Variants in GRIP1 observed in about 807,000 individuals in gnomAD.
GRIP1 encodes glutamate receptor-interacting protein 1.
A neutral mutation model predicts 129.9 loss-of-function variants in GRIP1; 45 were observed. The ratio of observed to expected loss-of-function variants is 0.35; its 90% CI spans 0.27 to 0.44. The LOEUF (loss-of-function observed/expected upper bound fraction) is 0.44, where lower values mean the gene tolerates loss of function less well. Among genes scored for constraint, GRIP1 ranks in the 20% least tolerant of loss-of-function variants. The pLI is 1.00. For synonymous variants in GRIP1, 530 were observed against 520.8 expected (o/e 1.02, Z -0.24); for missense variants, 1,196 against 1,396.8 (o/e 0.86, Z 2.29).
intron 2 of GRIP1, among the ~76,000 whole-genome samples, chr12:66,545,265 C>T (rs2061913148): frequency 6.6e-6 from 1 of 152,124 alleles, no homozygotes; most frequent in Admixed American, 6.5e-5. Context: ...TAGTTGTTTG[C>T]TGTTTTTCTT....
chr12:66,569,449 C>G (rs992776285), intron 2 of GRIP1, among the ~76,000 whole-genome samples: 1 of 152,102 alleles, frequency 6.6e-6, no homozygotes, highest in Admixed American at 6.6e-5. Flanking sequence ...TACACTCCAG[C>G]CTGGGTGACA....
chr12:66,501,403 G>T (rs145333616), intron 7 of GRIP1, among the ~76,000 whole-genome samples: 136 of 152,200 alleles, frequency 8.9e-4, no homozygotes, highest in African/African-American at 3.0e-3. Flanking sequence ...TTATATAATG[G>T]CTAATGGAAG....
chr12:66,410,949 A>T (rs2057378513), intron 15 of GRIP1, among the ~76,000 whole-genome samples: 1 of 152,198 alleles, frequency 6.6e-6, no homozygotes, highest in Non-Finnish European at 1.5e-5. Context: ...TAAACCCAAG[A>T]TTAAGAAATT....
At chr12:66,618,119 C>T (rs749396866) in intron 1 of GRIP1, among the ~76,000 whole-genome samples, 27 of 152,086 alleles carry the variant, frequency 1.8e-4, no homozygotes, top group Non-Finnish European at 3.5e-4. Flanking sequence ...TTCAAACAGA[C>T]TGGAAACAAC....
In GRIP1 at chr12:66,991,456, C is replaced by T. The variant is rs530240376; in HGVS notation, c.58+77594G>A. Among the ~76,000 whole-genome samples, 106 of 152,198 alleles carry T rather than the reference C, an allele frequency of 7.0e-4. 1 individual carries two copies. Among genetic ancestry groups the T allele is most frequent in the Admixed American group, 1.7e-3 (26 of 15,288 alleles). The stretch of plus-strand genomic sequence containing the variant: ...AGGAGAGGAAAGAAATATTTCTTCC[C>T]TATAGCTGAGTAAGGAAAAATCAAG... On this transcript the variant is annotated intron_variant, in intron 1 of 1. Coordinates refer to the GRIP1 transcript ENST00000643019.
At chr12:66,755,516 G>A (rs2037260221) in intron 1 of GRIP1, among the ~76,000 whole-genome samples, 1 of 152,224 alleles carries the variant, frequency 6.6e-6, no homozygotes. Flanking sequence ...ATAGCAGTGT[G>A]TATCAGACAA....
chr12:66,675,108 G>T (rs1307022244), intron 1 of GRIP1, among the ~76,000 whole-genome samples: 1 of 152,126 alleles, frequency 6.6e-6, no homozygotes, highest in African/African-American at 2.4e-5. Flanking sequence ...ACGTAGGCCA[G>T]CTATGATGAA....
intron 1 of GRIP1, among the ~76,000 whole-genome samples, chr12:66,624,416 T>G (rs1369260349): frequency 6.6e-6 from 1 of 152,068 alleles, no homozygotes; most frequent in East Asian, 1.9e-4. Flanking sequence ...GAGAAAAAAA[T>G]TAGAAGTAAA....
At chr12:66,676,838 A>G (rs542487155) in intron 1 of GRIP1, among the ~76,000 whole-genome samples, 1 of 152,304 alleles carries the variant, frequency 6.6e-6, no homozygotes, top group South Asian at 2.1e-4. Context: ...TTACAGCTTA[A>G]GAAAACAGCA....
chr12:66,505,223 GA>G (rs1190333700), intron 7 of GRIP1, among the ~76,000 whole-genome samples: 1 of 152,154 alleles, frequency 6.6e-6, no homozygotes, highest in East Asian at 1.9e-4. Context: ...AGGCAGAGGA[GA>G]AAGTCAGAGA....
chr12:66,451,168 C>G (rs2058783817), intron 11 of GRIP1, among the ~76,000 whole-genome samples: 1 of 152,052 alleles, frequency 6.6e-6, no homozygotes, highest in Non-Finnish European at 1.5e-5. Context: ...GTTCTGTTCA[C>G]AACTCTTCAG....
At chr12:66,575,609 T>TC (rs1245748898) in intron 2 of GRIP1, among the ~76,000 whole-genome samples, 2 of 152,206 alleles carry the variant, frequency 1.3e-5, no homozygotes, top group Non-Finnish European at 2.9e-5. Flanking sequence ...AAAGAATAGA[T>TC]CCTGGATAGG....
chr12:66,491,121 C>A (rs1232805057), intron 7 of GRIP1, among the ~76,000 whole-genome samples: 4 of 152,072 alleles, frequency 2.6e-5, no homozygotes, highest in Non-Finnish European at 4.4e-5. Flanking sequence ...TACATGTATA[C>A]CCAAAGGAAT....
intron 1 of GRIP1, among the ~76,000 whole-genome samples, chr12:66,955,194 A>G (rs1190140126): frequency 6.6e-6 from 1 of 152,166 alleles, no homozygotes; most frequent in Non-Finnish European, 1.5e-5. Flanking sequence ...GAGCAGTGGA[A>G]TCACCTTGAG....
chr12:67,054,446 G>A (rs1294594353), intron 1 of GRIP1, among the ~76,000 whole-genome samples: 2 of 152,064 alleles, frequency 1.3e-5, no homozygotes, highest in African/African-American at 2.4e-5. Context: ...AGTTTGTCAT[G>A]TGCGAAAAAA....
intron 1 of GRIP1, among the ~76,000 whole-genome samples, chr12:66,917,287 C>A (rs1283577709): frequency 6.6e-6 from 1 of 152,168 alleles, no homozygotes; most frequent in East Asian, 1.9e-4. Flanking sequence ...AACTCAGTAA[C>A]CAATAATCTC....
At chr12:66,932,968 A>G (rs1412110751) in intron 1 of GRIP1, among the ~76,000 whole-genome samples, 1 of 152,182 alleles carries the variant, frequency 6.6e-6, no homozygotes, top group African/African-American at 2.4e-5. Flanking sequence ...TGCCCAGCCC[A>G]ATATCAGTGT....
intron 15 of GRIP1, among the ~76,000 whole-genome samples, chr12:66,407,171 C>T (rs1014920110): frequency 2.0e-5 from 3 of 152,170 alleles, no homozygotes; most frequent in African/African-American, 7.2e-5. Flanking sequence ...AGCATCCATT[C>T]TCCCTTCCCT....
At chr12:67,029,351 C>T (rs1376187879) in intron 1 of GRIP1, among the ~76,000 whole-genome samples, 3 of 152,048 alleles carry the variant, frequency 2.0e-5, no homozygotes, top group Admixed American at 6.6e-5. Flanking sequence ...TGGGCTCAAG[C>T]GATCCACCTG....
Sources: gnomAD v4.1 joint callset for allele counts (sites outside exome capture counted in the v4.1 genomes callset) on GRCh38, gnomAD v4.1.1 for gene constraint, MANE v1.5 for transcripts, NCBI Gene and HGNC (gene_info 2026-07-23, HGNC 2026-07-21) for gene names.